Variants in NRXN3 observed in about 807,000 individuals in gnomAD.
NRXN3 encodes the protein neurexin III.
A neutral mutation model predicts 137.6 loss-of-function variants in NRXN3; 32 were observed. The observed-to-expected ratio is 0.23, with a 90% confidence interval of 0.18 to 0.31. The LOEUF is 0.31. Among genes scored for constraint, NRXN3 ranks in the 10% least tolerant of loss-of-function variants. The pLI is 1.00. For synonymous variants in NRXN3, 798 were observed against 784.5 expected (o/e 1.02, Z -0.29); for missense variants, 1,574 against 2,062.5 (o/e 0.76, Z 4.59).
chr14:78,420,174 C>G (rs1407510686), intron 4 of NRXN3, among the ~76,000 whole-genome samples: 1 of 152,104 alleles, frequency 6.6e-6, no homozygotes. Context: ...AATATGTGAA[C>G]AATGTTTTGG....
At chr14:79,573,804 C>T (rs548811638) in intron 16 of NRXN3, among the ~76,000 whole-genome samples, 1 of 152,080 alleles carries the variant, frequency 6.6e-6, no homozygotes, top group South Asian at 2.1e-4. Flanking sequence ...TTATCAATTC[C>T]CTCTACAGCT....
intron 15 of NRXN3, among the ~76,000 whole-genome samples, chr14:79,017,215 C>T (rs891299884): frequency 3.3e-5 from 3 of 92,016 alleles, no homozygotes; most frequent in Non-Finnish European, 4.5e-5. Flanking sequence ...TTGTGCAGAT[C>T]GCCCCACGGA....
intron 15 of NRXN3, among the ~76,000 whole-genome samples, chr14:79,242,868 G>A (rs1163342472): frequency 6.6e-6 from 1 of 152,136 alleles, no homozygotes; most frequent in Non-Finnish European, 1.5e-5. Context: ...AACAGTGGAG[G>A]CTGTTTTACA....
chr14:79,376,085 G>C (rs1422286183), intron 15 of NRXN3, among the ~76,000 whole-genome samples: 1 of 146,716 alleles, frequency 6.8e-6, no homozygotes, highest in Non-Finnish European at 1.5e-5. Flanking sequence ...TATTGTTTTA[G>C]TCATCATCAT....
intron 15 of NRXN3, among the ~76,000 whole-genome samples, chr14:79,290,093 A>T (rs1166375285): frequency 6.6e-6 from 1 of 152,080 alleles, no homozygotes; most frequent in Non-Finnish European, 1.5e-5. Flanking sequence ...ATGAATTTCA[A>T]CTATTTCCGA....
At chr14:78,953,401 A>T (rs556882784) in intron 10 of NRXN3, among the ~76,000 whole-genome samples, 13 of 152,348 alleles carry the variant, frequency 8.5e-5, no homozygotes, top group African/African-American at 2.6e-4. Context: ...TATTTCATCC[A>T]TGATATCTTA....
chr14:79,579,801 A>G (rs1412415367), intron 16 of NRXN3, among the ~76,000 whole-genome samples: 1 of 152,114 alleles, frequency 6.6e-6, no homozygotes, highest in Admixed American at 6.5e-5. Flanking sequence ...GTAACATTTC[A>G]AGTTCTCTCT....
intron 15 of NRXN3, among the ~76,000 whole-genome samples, chr14:79,205,271 A>C (rs193237826): frequency 2.2e-4 from 33 of 152,300 alleles, no homozygotes; most frequent in Admixed American, 1.2e-3. Context: ...TATTTCATTC[A>C]ATCCATTTAA....
At chr14:78,761,837 C>T (rs1328640836) in intron 8 of NRXN3, among the ~76,000 whole-genome samples, 1 of 152,092 alleles carries the variant, frequency 6.6e-6, no homozygotes, top group African/African-American at 2.4e-5. Flanking sequence ...ACTTTTTGGA[C>T]AGCATTTGAT....
chr14:79,192,765 A>ATTTTTTTTTT (rs961910712), intron 15 of NRXN3, among the ~76,000 whole-genome samples: 1 of 115,300 alleles, frequency 8.7e-6, no homozygotes, highest in Non-Finnish European at 1.7e-5. Flanking sequence ...AATTCTCTTA[A>ATTTTTTTTTT]TTTTTTTTTT....
At chr14:78,676,725 T>C (rs557341210) in intron 6 of NRXN3, among the ~76,000 whole-genome samples, 1 of 152,186 alleles carries the variant, frequency 6.6e-6, no homozygotes, top group African/African-American at 2.4e-5. Flanking sequence ...AGGACTTTCA[T>C]AGCTGGAGAG....
intron 8 of NRXN3, among the ~76,000 whole-genome samples, chr14:78,720,099 G>A (rs1339785221): frequency 6.6e-6 from 1 of 151,750 alleles, no homozygotes; most frequent in Non-Finnish European, 1.5e-5. Context: ...TTAAATGTGG[G>A]AGGGCTCCAG....
intron 19 of NRXN3, among the ~76,000 whole-genome samples, chr14:79,801,851 T>C (rs930637939): frequency 6.6e-6 from 1 of 151,408 alleles, no homozygotes; most frequent in African/African-American, 2.4e-5. Context: ...TGAAAGATGA[T>C]GTGTGGGGTC....
At chr14:78,326,092 G>A (rs116895869) in intron 4 of NRXN3, among the ~76,000 whole-genome samples, 371 of 152,300 alleles carry the variant, frequency 2.4e-3, no homozygotes, top group South Asian at 0.01. Flanking sequence ...TTGCATGGAA[G>A]TCTAAATACA....
intron 4 of NRXN3, among the ~76,000 whole-genome samples, chr14:78,404,321 G>A (rs1490270449): frequency 2.0e-5 from 3 of 152,034 alleles, no homozygotes; most frequent in Admixed American, 2.0e-4. Flanking sequence ...GAATGAAATT[G>A]GAGGAGGCAG....
At position 79,436,413 on chromosome 14, in the gene NRXN3, C is replaced by A. The variant is rs780466887; in HGVS notation, c.3263-30808C>A. Among the ~76,000 whole-genome samples, 34 of 152,182 alleles carry A rather than the reference C, an allele frequency of 2.2e-4. 1 individual carries two copies. The highest frequency in any genetic ancestry group is 1.3e-4 in the Admixed American group (2 of 15,282). On this transcript the variant is annotated intron_variant, in intron 15 of 20. Coordinates refer to ENST00000335750, the MANE Select transcript of NRXN3 (RefSeq NM_001330195.2). ...TGACATACTGAAAGTTGTAATAGAG[C>A]TACAGCTTTGCTGTATAGAGGTCCA...
rs547744438 is a variant in NRXN3, at chr14:78,448,201, G to C, written c.757+150341G>C. Among the ~76,000 whole-genome samples the C allele has an allele frequency of 2.0e-5, 3 of 152,214 alleles. No individual in the cohort carries two copies. In the East Asian group the frequency reaches 5.8e-4, roughly 29 times the overall value. ...TCCTTGCACGGTGGCATCTAGTTTA[G>C]TCATTTTTTTTACTTTCCTAAATAG... On this transcript the variant is annotated intron_variant, in intron 4 of 20. Transcript: ENST00000335750.
chr14:79,213,501 A>G (rs1000343128), intron 15 of NRXN3, among the ~76,000 whole-genome samples: 1 of 152,186 alleles, frequency 6.6e-6, no homozygotes, highest in Non-Finnish European at 1.5e-5. Context: ...TACTTCAAAG[A>G]AACAATTAAA....
At chr14:79,627,942 T>G (rs1257160850) in intron 16 of NRXN3, among the ~76,000 whole-genome samples, 1 of 152,190 alleles carries the variant, frequency 6.6e-6, no homozygotes, top group Non-Finnish European at 1.5e-5. Flanking sequence ...AAAATTTCAT[T>G]GTAGACTTTA....
Sources: gnomAD v4.1 joint callset for allele counts (sites outside exome capture counted in the v4.1 genomes callset) on GRCh38, gnomAD v4.1.1 for gene constraint, MANE v1.5 for transcripts, NCBI Gene and HGNC (gene_info 2026-07-23, HGNC 2026-07-21) for gene names.